The following PSMD4 variants were observed in gnomAD, a reference collection of about 807,000 sequenced individuals.
PSMD4 encodes 26S proteasome non-ATPase regulatory subunit 4.
A neutral mutation model predicts 39.7 loss-of-function variants in PSMD4; 5 were observed. That is an observed-to-expected ratio of 0.13 (90% confidence interval 0.07 to 0.26). PSMD4 has a LOEUF of 0.26. PSMD4 is among the 10% of genes least tolerant of loss of function. The pLI is 1.00. For missense variants in PSMD4, 272 were observed against 486.1 expected (o/e 0.56, Z 4.14); for synonymous variants, 143 against 174.6 (o/e 0.82, Z 1.43).
chr1:151,255,602 G>C (rs1184575867), intron 1 of PSMD4, among the ~76,000 whole-genome samples: 1 of 151,786 alleles, frequency 6.6e-6, no homozygotes, highest in Admixed American at 6.6e-5. Context: ...AATAGTTGAC[G>C]AACACAAATC....
chr1:151,256,754 T>G (rs1390133555), intron 1 of PSMD4, among the ~76,000 whole-genome samples: 1 of 149,600 alleles, frequency 6.7e-6, no homozygotes, highest in Non-Finnish European at 1.5e-5. Flanking sequence ...CCCACTTTTT[T>G]TTTTTTTCGC....
chr1:151,260,526 T>C (rs147499191), intron 1 of PSMD4, among the ~76,000 whole-genome samples: 1 of 152,304 alleles, frequency 6.6e-6, no homozygotes, highest in East Asian at 1.9e-4. Context: ...GATGATTGCA[T>C]TGTACTTTTC....
intron 1 of PSMD4, among the ~76,000 whole-genome samples, chr1:151,256,995 C>T (rs775279493): frequency 5.9e-5 from 9 of 152,076 alleles, no homozygotes; most frequent in Non-Finnish European, 1.0e-4. Context: ...GTGATCCGCC[C>T]GCCTCAGCCT....
intron 1 of PSMD4, among the ~76,000 whole-genome samples, chr1:151,260,287 TCTCAGGGAC>T (rs1693285367): frequency 6.6e-6 from 1 of 151,998 alleles, no homozygotes; most frequent in Non-Finnish European, 1.5e-5. Flanking sequence ...CTATTAGAGC[TCTCAGGGAC>T]CTCAGAGGTC....
intron 5 of PSMD4, 53 bp downstream of exon 5, chr1:151,265,287 G>T: frequency 6.3e-7 from 1 of 1,597,200 alleles, no homozygotes; most frequent in Non-Finnish European, 8.6e-7. Context: ...TAAACAGAAT[G>T]GTCCTTAACC....
chr1:151,258,475 G>T (rs72708487), intron 1 of PSMD4, among the ~76,000 whole-genome samples: 2,574 of 77,508 alleles, frequency 0.033, 55 homozygotes, highest in African/African-American at 0.089. Flanking sequence ...TTTTTTTTTT[G>T]GGGGAGACAG....
At chr1:151,257,048 C>T (rs1207900854) in intron 1 of PSMD4, among the ~76,000 whole-genome samples, 5 of 152,192 alleles carry the variant, frequency 3.3e-5, no homozygotes, top group South Asian at 4.1e-4. Context: ...TGTGCCCGGC[C>T]GGTCTTCCAG....
chr1:151,261,799 A>T (rs916222365), intron 1 of PSMD4, among the ~76,000 whole-genome samples: 36 of 151,970 alleles, frequency 2.4e-4, no homozygotes, highest in African/African-American at 8.7e-4. Flanking sequence ...TACAAAAAAA[A>T]TTTAAAAGGT....
At chr1:151,261,332 C>T (rs1693315126) in intron 1 of PSMD4, among the ~76,000 whole-genome samples, 1 of 151,848 alleles carries the variant, frequency 6.6e-6, no homozygotes, top group Admixed American at 6.6e-5. Flanking sequence ...TGTGCCACCA[C>T]GCCCAGCTAA....
chr1:151,254,764 G>T lies in PSMD4; in HGVS notation c.-19G>T. 1.3e-6 allele frequency: 2 copies of T among 1,560,744 alleles called. No homozygotes were observed. The highest frequency in any genetic ancestry group is 1.7e-6 in the Non-Finnish European group (2 of 1,153,646). On this transcript the variant is annotated 5_prime_UTR_variant, in exon 1 of 10. Coordinates refer to ENST00000368884, the MANE Select transcript of PSMD4 (RefSeq NM_002810.4). ...TAGGCCGTCCCGGAGACCCGGTCGG[G>T]AGGGAGGAAGGTGGCAAGATGGTGT... is the stretch of plus-strand genomic sequence containing the variant.
At chr1:151,254,873 G>A (rs1165499022) in intron 1 of PSMD4, 65 bp downstream of exon 1, 11 of 1,433,180 alleles carry the variant, frequency 7.7e-6, no homozygotes, top group Non-Finnish European at 9.1e-6. Flanking sequence ...CGCCAAGGCA[G>A]GGAGGGCCTG....
intron 1 of PSMD4, among the ~76,000 whole-genome samples, chr1:151,261,180 CTTTTTTTT>C (rs587653164): frequency 2.5e-5 from 3 of 120,010 alleles, no homozygotes; most frequent in South Asian, 2.7e-4. Context: ...TTTTCTTTTT[CTTTTTTTT>C]TTTTTTTTTT....
chr1:151,255,239 T>C (rs1335921759), intron 1 of PSMD4, among the ~76,000 whole-genome samples: 1 of 152,240 alleles, frequency 6.6e-6, no homozygotes, highest in Admixed American at 6.5e-5. Context: ...CCCTGTATCA[T>C]CTTCAAAGGT....
rs1031589933 is a variant in PSMD4 at position 151,263,805 on chromosome 1, G to A, written c.168-109G>A. ...GAGATCACGCCACGCACTCCAGCCTGGGTGACAGAGTGAGACTCCGTCTAA... is the reference window on the plus strand; with the variant it reads ...GAGATCACGCCACGCACTCCAGCCTAGGTGACAGAGTGAGACTCCGTCTAA... On this transcript the variant is annotated intron_variant, in intron 2 of 9. Transcript: ENST00000368884. The A allele has an allele frequency of 3.5e-5, 26 of 749,974 alleles. No individual in the cohort carries two copies. In the African/African-American group the frequency reaches 4.5e-4, roughly 13 times the overall value. The allele number at this position is 749,974 out of a possible 1,614,324, so 46.5% of individuals were successfully genotyped here.
intron 7 of PSMD4, 34 bp downstream of exon 7, chr1:151,266,146 C>A: frequency 1.3e-6 from 2 of 1,592,576 alleles, no homozygotes; most frequent in South Asian, 1.2e-5. Context: ...CCTGGGACTG[C>A]GGGATGCTAA....
chr1:151,254,821 T>C lies in PSMD4; in HGVS notation c.26+13T>C, dbSNP rs777559430. The C allele has an allele frequency of 2.0e-5, 31 of 1,516,910 alleles. No individual in the cohort carries two copies. In the African/African-American group the frequency reaches 2.2e-4, roughly 11 times the overall value. 94.0% of individuals were successfully genotyped at this position (1,516,910 alleles called of 1,614,324 possible). On this transcript the variant is annotated intron_variant, in intron 1 of 9. Coordinates refer to ENST00000368884, the MANE Select transcript of PSMD4 (RefSeq NM_002810.4). Reference sequence around the variant, plus strand: ...GCACTATGGTGTGGTGAGGAGCTACTTCGGGGCAGGAGGGGCAGAGCTGGG... The same window carrying C: ...GCACTATGGTGTGGTGAGGAGCTACCTCGGGGCAGGAGGGGCAGAGCTGGG...
intron 1 of PSMD4, among the ~76,000 whole-genome samples, chr1:151,257,717 T>TTC (rs1015610692): frequency 7.3e-6 from 1 of 137,120 alleles, no homozygotes; most frequent in Non-Finnish European, 1.6e-5. Context: ...CTGGCTTTCT[T>TTC]TTTTTTTTTT....
chr1:151,256,331 G>A (rs1251994129), intron 1 of PSMD4, among the ~76,000 whole-genome samples: 1 of 120,620 alleles, frequency 8.3e-6, no homozygotes, highest in Non-Finnish European at 1.7e-5. Flanking sequence ...GCGACAGAGT[G>A]AGACTCCCTC....
chr1:151,254,851 G>C, intron 1 of PSMD4, 43 bp downstream of exon 1: 1 of 1,466,556 alleles, frequency 6.8e-7, no homozygotes, highest in Non-Finnish European at 9.0e-7. Flanking sequence ...GCTGGGTTCC[G>C]GGCGCGTGTA....
Sources: allele counts gnomAD v4.1 joint callset (sites outside exome capture counted in the v4.1 genomes callset), GRCh38; gene constraint gnomAD v4.1.1; transcripts MANE v1.5; gene names NCBI Gene and HGNC (gene_info 2026-07-23, HGNC 2026-07-21).